KNTC1: variants seen among roughly 807,000 people sequenced by gnomAD.
The protein encoded by KNTC1 is kinetochore associated 1.
KNTC1 carries 253 observed loss-of-function variants against 314.4 expected under a neutral mutation model. The observed-to-expected ratio is 0.80, with a 90% confidence interval of 0.73 to 0.89. The LOEUF (loss-of-function observed/expected upper bound fraction) is 0.89. KNTC1 is among the 40% of genes least tolerant of loss of function. The probability of loss-of-function intolerance (pLI) is 0.00; values close to 1 mark genes in which losing one functional copy is unlikely to be tolerated. For missense variants in KNTC1, 2,475 were observed against 2,572.9 expected (o/e 0.96, Z 0.82); for synonymous variants, 901 against 901.4 (o/e 1.00, Z 0.01).
chr12:122,550,475 C>G (rs1023592924), intron 13 of KNTC1, among the ~76,000 whole-genome samples: 1 of 151,914 alleles, frequency 6.6e-6, no homozygotes, highest in Non-Finnish European at 1.5e-5. Flanking sequence ...TCAAGAATCA[C>G]TCATCAAATT....
intron 31 of KNTC1, among the ~76,000 whole-genome samples, chr12:122,578,892 A>T (rs1242656196): frequency 6.6e-6 from 1 of 152,206 alleles, no homozygotes; most frequent in East Asian, 1.9e-4. Flanking sequence ...ACAAAGGTGT[A>T]AAGTAGTTCC....
intron 51 of KNTC1, among the ~76,000 whole-genome samples, chr12:122,605,931 TC>T (rs1217490064): frequency 6.6e-6 from 1 of 150,820 alleles, no homozygotes; most frequent in African/African-American, 2.4e-5. Flanking sequence ...AGACTCGAAT[TC>T]CTAGGCTCAA....
At chr12:122,573,474 G>A (rs1036713374) in intron 26 of KNTC1, among the ~76,000 whole-genome samples, 189 bp downstream of exon 26, 1 of 152,186 alleles carries the variant, frequency 6.6e-6, no homozygotes, top group East Asian at 1.9e-4. Context: ...CATGAGGACT[G>A]TGAACCCGGA....
rs192005942 is a variant in KNTC1 at position 122,613,025 on chromosome 12, C to T, written c.5623-87C>T. The T allele has an allele frequency of 2.0e-4, 147 of 733,086 alleles. No homozygotes were observed. In the African/African-American group the frequency reaches 2.3e-3, roughly 11 times the overall value. 45.4% of individuals were successfully genotyped at this position (733,086 alleles called of 1,614,324 possible). ...TTGACTTTACATTTTAAAATAATGA[C>T]GTTGTTTATGTTGCCTATGTTGAAA... On this transcript the variant is annotated intron_variant, in intron 53 of 63. Transcript: ENST00000333479.
intron 57 of KNTC1, among the ~76,000 whole-genome samples, chr12:122,617,113 G>A (rs766306741): frequency 1.7e-4 from 26 of 152,058 alleles, no homozygotes; most frequent in South Asian, 6.2e-4. Context: ...TTATCCATTT[G>A]CCAGTTGATA....
chr12:122,554,969 C>T (rs1025018358), intron 16 of KNTC1, among the ~76,000 whole-genome samples: 2 of 149,378 alleles, frequency 1.3e-5, no homozygotes, highest in African/African-American at 2.5e-5. Flanking sequence ...TGCTTGAGCC[C>T]GGGAGTTCCA....
At chr12:122,579,286 G>C (rs916401508) in intron 31 of KNTC1, among the ~76,000 whole-genome samples, 26 of 151,102 alleles carry the variant, frequency 1.7e-4, no homozygotes, top group African/African-American at 6.1e-4. Context: ...GGATGGTCTC[G>C]ATCTCCTGAC....
At chr12:122,551,253 C>T in intron 13 of KNTC1, 66 bp from the exon 14 acceptor site, 1 of 1,032,916 alleles carries the variant, frequency 9.7e-7, no homozygotes, top group Non-Finnish European at 1.5e-6. Context: ...CCAGTAGTTA[C>T]TCTAGTAATT....
Position 122,602,575 on chromosome 12 carries a change from A to G in KNTC1, c.4660A>G (p.Ser1554Gly), listed in dbSNP as rs1295464894. The G allele has an allele frequency of 6.2e-7, 1 of 1,601,752 alleles. No individual in the cohort carries two copies. Among genetic ancestry groups the G allele is most frequent in the Non-Finnish European group, 8.5e-7 (1 of 1,170,902 alleles). The change falls in exon 46 of 64, where the codon AGT (serine) becomes GGT (glycine). Residue 1554 changes from serine to glycine, a missense_variant. Transcript: ENST00000333479. Reference protein sequence around the residue: ...ITNININQALSILKHLKSYRR... With the variant: ...ITNININQALGILKHLKSYRR... Reference sequence around the variant, plus strand: ...GTTTTTTATTTTAATATAGGCATTGAGTATTCTGAAACATTTGAAGTCATA... The same window carrying G: ...GTTTTTTATTTTAATATAGGCATTGGGTATTCTGAAACATTTGAAGTCATA...
At chr12:122,579,191 A>G (rs1014541781) in intron 31 of KNTC1, among the ~76,000 whole-genome samples, 3 of 148,432 alleles carry the variant, frequency 2.0e-5, no homozygotes, top group East Asian at 2.0e-4. Flanking sequence ...CAGCCTCCCA[A>G]GTAGCTGGGA....
chr12:122,601,181 C>T (rs1871835385), intron 44 of KNTC1, among the ~76,000 whole-genome samples: 1 of 152,088 alleles, frequency 6.6e-6, no homozygotes, highest in African/African-American at 2.4e-5. Flanking sequence ...CTCCCGGGTT[C>T]ACACCATTCT....
At chr12:122,551,150 T>TG (rs1963168890) in intron 13 of KNTC1, among the ~76,000 whole-genome samples, 169 bp from the exon 14 acceptor site, 1 of 151,528 alleles carries the variant, frequency 6.6e-6, no homozygotes, top group African/African-American at 2.4e-5. Context: ...TTCCCAGTGT[T>TG]TTTTTTTTCC....
At position 122,551,478 on chromosome 12, in the gene KNTC1, CTG is replaced by C; in HGVS notation, c.1155_1156del (p.Leu386SerfsTer25). On this transcript the variant is annotated frameshift_variant, in exon 15 of 64. Transcript: ENST00000333479. LOFTEE classifies it high-confidence loss of function. Reference sequence around the variant, plus strand: ...TCTAGATTGTCTGAAGACTCAGTCTCTGTGTTAGTACTCAGATGTCTTACGGA... The same window carrying C: ...TCTAGATTGTCTGAAGACTCAGTCTCTGTTAGTACTCAGATGTCTTACGGA... The C allele has an allele frequency of 1.3e-6, 2 of 1,592,288 alleles. No individual in the cohort carries two copies. The highest frequency in any genetic ancestry group is 8.6e-7 in the Non-Finnish European group (1 of 1,167,900).
At chr12:122,585,212 A>T (rs10847235) in intron 36 of KNTC1, among the ~76,000 whole-genome samples, 30,684 of 150,320 alleles carry the variant, frequency 0.2, 3,558 homozygotes, top group East Asian at 0.46. Flanking sequence ...TTAAAAAAAA[A>T]TTTTTTTTTT....
intron 36 of KNTC1, among the ~76,000 whole-genome samples, chr12:122,585,216 T>A (rs1217737440): frequency 6.6e-6 from 1 of 152,092 alleles, no homozygotes; most frequent in African/African-American, 2.4e-5. Context: ...AAAAAAATTT[T>A]TTTTTTGCAG....
chr12:122,625,100 C>T (rs1244267809), intron 63 of KNTC1, among the ~76,000 whole-genome samples: 1 of 151,946 alleles, frequency 6.6e-6, no homozygotes, highest in African/African-American at 2.4e-5. Flanking sequence ...AACGTATATT[C>T]ACTGCAGAAA....
chr12:122,585,674 G>A lies in KNTC1; in HGVS notation c.3573G>A (p.Trp1191Ter). 6.2e-7 allele frequency: 1 copy of A among 1,613,686 alleles called. No individual in the cohort carries two copies. The highest frequency in any genetic ancestry group is 1.7e-5 in the Admixed American group (1 of 60,024). ...CACATAAAGATCCATATGAAGAGTG[G>A]TCTTACAGTGACTTCTTCAGTGAAG... is the stretch of plus-strand genomic sequence containing the variant. ...FGTHKDPYEE[W>*]SYSDFFSEDG... is the part of the protein sequence containing the mutation. The change falls in exon 37 of 64, where the codon TGG becomes TGA. Residue 1191 changes from tryptophan to a stop codon, truncating the protein, a stop_gained. Coordinates refer to ENST00000333479, the MANE Select transcript of KNTC1 (RefSeq NM_014708.6). LOFTEE classifies it high-confidence loss of function.
intron 43 of KNTC1, among the ~76,000 whole-genome samples, chr12:122,595,849 C>T (rs1248485523): frequency 1.3e-5 from 2 of 152,090 alleles, no homozygotes; most frequent in Non-Finnish European, 2.9e-5. Flanking sequence ...ATTCTACTTA[C>T]GTGGCATTGA....
At chr12:122,553,952 G>T (rs1963373052) in intron 16 of KNTC1, among the ~76,000 whole-genome samples, 1 of 151,596 alleles carries the variant, frequency 6.6e-6, no homozygotes, top group African/African-American at 2.4e-5. Context: ...GAAGTAATAA[G>T]AGAGAAAGCC....
Sources: allele counts gnomAD v4.1 joint callset (sites outside exome capture counted in the v4.1 genomes callset), GRCh38; gene constraint gnomAD v4.1.1; transcripts MANE v1.5; gene names NCBI Gene and HGNC (gene_info 2026-07-23, HGNC 2026-07-21).